CPO: variants seen among roughly 807,000 people sequenced by gnomAD.
CPO encodes the protein metallocarboxypeptidase C.
CPO carries 43 observed loss-of-function variants against 41.2 expected under a neutral mutation model. That is an observed-to-expected ratio of 1.04 (90% CI 0.82 to 1.35). The LOEUF is 1.35. Among genes scored for constraint, CPO ranks in the 40% most tolerant of loss-of-function variants. The pLI, the probability that CPO is intolerant of heterozygous loss-of-function variation, is 0.00. For missense variants in CPO, 408 were observed against 451.7 expected (o/e 0.90, Z 0.88); for synonymous variants, 178 against 162.7 (o/e 1.09, Z -0.72).
rs1559075631 is a variant in CPO, at chr2:206,968,366, CTCT to C, written c.862+22_862+24del. On this transcript the variant is annotated intron_variant, in intron 8 of 8. Coordinates refer to ENST00000272852, the MANE Select transcript of CPO (RefSeq NM_173077.3). ...ATTTTATGTAAGTATCTTTTTTTGC[CTCT>C]TCAATAGTATCTAAGGCACAAAAGA... 7.0e-7 allele frequency: 1 copy of C among 1,433,512 alleles called. No homozygotes were observed. The highest frequency in any genetic ancestry group is 1.1e-5 in the South Asian group (1 of 87,050). 88.8% of individuals were successfully genotyped at this position (1,433,512 alleles called of 1,614,324 possible). A position where few individuals can be genotyped will look rare whatever the true frequency, so the allele number is the denominator to read the frequency against.
chr2:206,947,661 G>C (rs1464568738), intron 1 of CPO, among the ~76,000 whole-genome samples: 1 of 151,966 alleles, frequency 6.6e-6, no homozygotes, highest in African/African-American at 2.4e-5. Context: ...TCTGATAAAG[G>C]ACTGTTATCC....
In CPO at chr2:206,968,348, G is replaced by C. The variant is rs750384620; in HGVS notation, c.862+1G>C. 6.3e-6 allele frequency: 10 copies of C among 1,578,756 alleles called. No homozygotes were observed. The highest frequency in any genetic ancestry group is 8.7e-6 in the Non-Finnish European group (10 of 1,148,188). On this transcript the variant is annotated splice_donor_variant, in intron 8 of 8. Transcript: ENST00000272852. LOFTEE classifies it high-confidence loss of function. ...GTTGGATCGAGTGCAGATATTTTAT[G>C]TAAGTATCTTTTTTTGCCTCTTCAA...
At chr2:206,959,810 A>G (rs780133622) in intron 5 of CPO, 69 bp downstream of exon 5, 28 of 724,102 alleles carry the variant, frequency 3.9e-5, no homozygotes, top group Admixed American at 1.5e-4. Flanking sequence ...AATTTTTCCA[A>G]TGTTATCCAT....
chr2:206,956,410 C>CATT (rs1417992578), intron 3 of CPO, among the ~76,000 whole-genome samples: 1 of 128,252 alleles, frequency 7.8e-6, no homozygotes, highest in Non-Finnish European at 1.8e-5. Context: ...AAATCATCAT[C>CATT]ATCATCAGCA....
chr2:206,954,379 G>A (rs1271721382), intron 2 of CPO, among the ~76,000 whole-genome samples: 1 of 144,124 alleles, frequency 6.9e-6, no homozygotes, highest in Non-Finnish European at 1.5e-5. Flanking sequence ...GGGACAAAAT[G>A]CCTCCAGTCT....
chr2:206,959,819 A>T, intron 5 of CPO, 78 bp downstream of exon 5: 1 of 683,032 alleles, frequency 1.5e-6, no homozygotes, highest in East Asian at 2.5e-5. Context: ...AATGTTATCC[A>T]TTCCGGCTCT....
chr2:206,955,128 A>C (rs563818298), intron 2 of CPO, among the ~76,000 whole-genome samples: 2 of 152,340 alleles, frequency 1.3e-5, no homozygotes, highest in African/African-American at 4.8e-5. Flanking sequence ...TTCTGGCATG[A>C]TTGTGTGCCA....
Position 206,960,918 on chromosome 2 carries a change from C to A in CPO, c.550C>A (p.Arg184=), listed in dbSNP as rs200584221. The A allele has an allele frequency of 8.1e-6, 13 of 1,612,612 alleles. No homozygotes were observed. Among genetic ancestry groups the A allele is most frequent in the East Asian group, 2.2e-5 (1 of 44,850 alleles). Residue 184 remains arginine, a synonymous_variant, in exon 6 of 9, where the codon CGA becomes AGA. Transcript: ENST00000272852. ...NGTCFGTDLN[R]NFNASWCSIG... is the part of the protein sequence containing the mutation. ...CACATGTTTTGGGACGGATCTCAAT[C>A]GAAATTTCAATGCATCTTGGTGTAG...
intron 7 of CPO, 117 bp from the exon 8 acceptor site, chr2:206,968,146 G>C (rs933376527): frequency 3.3e-5 from 24 of 728,484 alleles, no homozygotes; most frequent in African/African-American, 2.8e-4. Context: ...ATGTCCGATG[G>C]GAAGTTGGAA....
intron 1 of CPO, among the ~76,000 whole-genome samples, chr2:206,944,132 G>A (rs1247327886): frequency 1.3e-5 from 2 of 151,944 alleles, no homozygotes; most frequent in Admixed American, 6.6e-5. Context: ...TACCCACTGG[G>A]TGGTTGAGTG....
intron 2 of CPO, among the ~76,000 whole-genome samples, chr2:206,951,075 A>G (rs1249206141): frequency 6.8e-6 from 1 of 146,638 alleles, no homozygotes; most frequent in East Asian, 2.0e-4. Context: ...AACTTAAAGT[A>G]TAATTAAAAA....
At chr2:206,950,957 C>T (rs1693250610) in intron 2 of CPO, among the ~76,000 whole-genome samples, 1 of 151,862 alleles carries the variant, frequency 6.6e-6, no homozygotes, top group South Asian at 2.1e-4. Flanking sequence ...GGAGGGATAG[C>T]ATTAGGAGAA....
chr2:206,952,420 TATTA>T (rs1165774938), intron 2 of CPO, among the ~76,000 whole-genome samples: 1 of 152,164 alleles, frequency 6.6e-6, no homozygotes, highest in Non-Finnish European at 1.5e-5. Flanking sequence ...GCCAATTAAC[TATTA>T]TTTACTATAA....
intron 1 of CPO, among the ~76,000 whole-genome samples, chr2:206,946,603 T>C (rs537900302): frequency 1.3e-5 from 2 of 152,260 alleles, no homozygotes; most frequent in South Asian, 4.1e-4. Context: ...CTGAAAGTCC[T>C]AGCTAATGTA....
At chr2:206,942,225 A>G (rs535065722) in intron 1 of CPO, among the ~76,000 whole-genome samples, 1 of 152,244 alleles carries the variant, frequency 6.6e-6, no homozygotes, top group South Asian at 2.1e-4. Context: ...ATACAAAATT[A>G]TATATAGATA....
At position 206,959,719 on chromosome 2, in the gene CPO, G is replaced by A. The variant is rs369569784; in HGVS notation, c.461G>A (p.Gly154Asp). Residue 154 changes from glycine to aspartate, a missense_variant, in exon 5 of 9, where the codon GGT becomes GAT. Coordinates refer to ENST00000272852, the MANE Select transcript of CPO (RefSeq NM_173077.3). ...GTCCTTCCAGTTCTTAACATAGATGGTTATATCTACACTTGGACAACTGTG... is the reference window on the plus strand; with the variant it reads ...GTCCTTCCAGTTCTTAACATAGATGATTATATCTACACTTGGACAACTGTG... ...FYVLPVLNID[G>D]YIYTWTTDRL... The A allele has an allele frequency of 6.5e-6, 10 of 1,536,876 alleles. No homozygotes were observed. The highest frequency in any genetic ancestry group is 1.4e-5 in the African/African-American group (1 of 73,246).
At chr2:206,962,099 CAAAAAAAAAA>C (rs766647290) in intron 6 of CPO, among the ~76,000 whole-genome samples, 1 of 69,444 alleles carries the variant, frequency 1.4e-5, no homozygotes. Context: ...GACTCTGTCT[CAAAAAAAAAA>C]AAAAAAAAAA....
chr2:206,969,025 A>G (rs1334575985), intron 8 of CPO, 149 bp from the exon 9 acceptor site: 1 of 806,450 alleles, frequency 1.2e-6, no homozygotes, highest in African/African-American at 1.7e-5. Flanking sequence ...CTTACAACCA[A>G]GAAGAAAGAG....
intron 5 of CPO, 145 bp downstream of exon 5, chr2:206,959,886 T>C: frequency 1.9e-6 from 1 of 513,806 alleles, no homozygotes; most frequent in Non-Finnish European, 3.5e-6. Flanking sequence ...AAAATCAGCT[T>C]AACATTTTTA....
Sources: allele counts gnomAD v4.1 joint callset (sites outside exome capture counted in the v4.1 genomes callset), GRCh38; gene constraint gnomAD v4.1.1; transcripts MANE v1.5; gene names NCBI Gene and HGNC (gene_info 2026-07-23, HGNC 2026-07-21).